The following TSNARE1 variants were observed in gnomAD, a reference collection of about 807,000 sequenced individuals.
The protein encoded by TSNARE1 is t-SNARE domain-containing protein 1.
In TSNARE1, 49 loss-of-function variants were observed where a neutral mutation model predicts 62.0. That is an observed-to-expected ratio of 0.79 (90% CI 0.63 to 1.00). The LOEUF (loss-of-function observed/expected upper bound fraction) is 1.00. Ranked by LOEUF, TSNARE1 falls within the 50% of genes least tolerant of loss-of-function variation. TSNARE1 has a pLI of 0.00. For missense variants in TSNARE1, 755 were observed against 700.1 expected (o/e 1.08, Z -0.88); for synonymous variants, 328 against 294.4 (o/e 1.11, Z -1.17).
intron 2 of TSNARE1, among the ~76,000 whole-genome samples, chr8:142,351,106 G>A (rs865862355): frequency 2.0e-5 from 3 of 152,188 alleles, no homozygotes; most frequent in African/African-American, 4.8e-5. Flanking sequence ...GATTTACTCC[G>A]GAATGACACA....
chr8:142,351,071 C>T (rs1490448025), intron 2 of TSNARE1, among the ~76,000 whole-genome samples: 2 of 152,126 alleles, frequency 1.3e-5, no homozygotes, highest in East Asian at 3.9e-4. Context: ...TGAAATATTA[C>T]CAGATGAGAT....
chr8:142,283,678 A>G (rs1183510913), intron 11 of TSNARE1, among the ~76,000 whole-genome samples: 83 of 114,172 alleles, frequency 7.3e-4, no homozygotes, highest in Middle Eastern at 7.9e-3. Flanking sequence ...CGGAGGTGGG[A>G]CCAGTGTCTG....
chr8:142,273,704 G>A (rs1024893002), intron 12 of TSNARE1: 4 of 985,412 alleles, frequency 4.1e-6, no homozygotes, highest in Non-Finnish European at 4.8e-6. Context: ...TCCCACAGTG[G>A]GGGTGCCCGG....
intron 1 of TSNARE1, among the ~76,000 whole-genome samples, chr8:142,380,200 C>T (rs1462284762): frequency 6.6e-6 from 1 of 152,202 alleles, no homozygotes; most frequent in Non-Finnish European, 1.5e-5. Context: ...AGGACAGAAA[C>T]GGAGACACAG....
chr8:142,271,714 T>C (rs1309435365), intron 12 of TSNARE1: 2 of 1,347,596 alleles, frequency 1.5e-6, no homozygotes, highest in Admixed American at 3.5e-5. Context: ...GACAGGAAAA[T>C]GTCAGCCTGC....
At chr8:142,288,840 G>A (rs533481016) in intron 10 of TSNARE1, among the ~76,000 whole-genome samples, 36 of 152,384 alleles carry the variant, frequency 2.4e-4, no homozygotes, top group African/African-American at 7.7e-4. Context: ...GGGACACACA[G>A]ACTCCAAGCC....
At chr8:142,281,771 G>T (rs971326292) in intron 11 of TSNARE1, among the ~76,000 whole-genome samples, 3 of 151,960 alleles carry the variant, frequency 2.0e-5, no homozygotes, top group Non-Finnish European at 4.4e-5. Flanking sequence ...GCCTGGGCGG[G>T]GTCACTGGGC....
At chr8:142,265,103 CTTA>C (rs1325162951) in intron 12 of TSNARE1, among the ~76,000 whole-genome samples, 3 of 142,944 alleles carry the variant, frequency 2.1e-5, no homozygotes. Context: ...TCTTCAGTTT[CTTA>C]TTAACTTTCT....
chr8:142,273,598 G>A (rs1050561413), intron 12 of TSNARE1: 1 of 985,328 alleles, frequency 1.0e-6, no homozygotes, highest in Non-Finnish European at 1.2e-6. Context: ...CTGTCAACAG[G>A]GACTGACCCT....
At chr8:142,314,927 G>T in intron 8 of TSNARE1, 76 bp downstream of exon 8, 1 of 1,394,360 alleles carries the variant, frequency 7.2e-7, no homozygotes, top group Non-Finnish European at 1.0e-6. Context: ...GGACAAGACA[G>T]CCATGACAGT....
chr8:142,223,271 T>TTCACTCACTCACTCATTCAC (rs150738366), intron 13 of TSNARE1, among the ~76,000 whole-genome samples: 1 of 56,546 alleles, frequency 1.8e-5, no homozygotes, highest in Non-Finnish European at 4.1e-5. Flanking sequence ...CACTCACTCA[T>TTCACTCACTCACTCATTCAC]TCAGTCACTC....
intron 12 of TSNARE1, among the ~76,000 whole-genome samples, chr8:142,252,044 A>G (rs868098595): frequency 1.9e-3 from 128 of 68,230 alleles, no homozygotes; most frequent in South Asian, 2.9e-3. Flanking sequence ...CCCGCCGCCC[A>G]CGTTCTCTAT....
intron 1 of TSNARE1, among the ~76,000 whole-genome samples, chr8:142,374,540 G>A (rs535906021): frequency 3.3e-5 from 5 of 152,088 alleles, no homozygotes; most frequent in African/African-American, 4.8e-5. Context: ...TTAGCCAGGC[G>A]TGATGGCGGG....
rs554651034 is a variant in TSNARE1, at chr8:142,265,768, G to A, written c.1446+9013C>T. On this transcript the variant is annotated intron_variant, in intron 12 of 13. Coordinates refer to ENST00000524325, the MANE Select transcript of TSNARE1 (RefSeq NM_145003.5). The stretch of plus-strand genomic sequence containing the variant: ...CCCCGTGCCTCTTGGTCACTTCAGC[G>A]GCAGGCAGTGGCATCGCGGTGTGGG... Among the ~76,000 whole-genome samples, 12 of 152,324 alleles carry A rather than the reference G, an allele frequency of 7.9e-5. No individual in the cohort carries two copies. In the South Asian group the frequency reaches 1.7e-3, roughly 21 times the overall value.
At position 142,319,874 on chromosome 8, in the gene TSNARE1, G is replaced by A. The variant is rs531448966; in HGVS notation, c.894-1240C>T. 1.8e-4 allele frequency among the ~76,000 whole-genome samples: 28 copies of A among 152,290 alleles called. No individual in the cohort carries two copies. The highest frequency in any genetic ancestry group is 3.4e-3 in the Middle Eastern group (1 of 294). On this transcript the variant is annotated intron_variant, in intron 6 of 13. Transcript: ENST00000524325. This position sits in a 1 kb window ranked among gnomAD's most constrained non-coding sequence, Gnocchi z 4.9. Reference sequence around the variant, plus strand: ...GCCATAAGGTTACTACAGACTAGGCGGGAAGCGCGGGGACAGGAGCTTTCT... The same window carrying A: ...GCCATAAGGTTACTACAGACTAGGCAGGAAGCGCGGGGACAGGAGCTTTCT...
intron 12 of TSNARE1, among the ~76,000 whole-genome samples, chr8:142,249,884 C>T (rs972910380): frequency 2.6e-5 from 4 of 152,330 alleles, no homozygotes; most frequent in Middle Eastern, 3.4e-3. Context: ...ATGGTGGCCT[C>T]GCAGCTCCAG....
At chr8:142,265,003 T>C (rs1380739067) in intron 12 of TSNARE1, among the ~76,000 whole-genome samples, 1 of 152,248 alleles carries the variant, frequency 6.6e-6, no homozygotes, top group Non-Finnish European at 1.5e-5. Flanking sequence ...TTCTCCTTTC[T>C]ATTCAACATA....
At chr8:142,373,439 C>T (rs1429795454) in intron 1 of TSNARE1, among the ~76,000 whole-genome samples, 1 of 152,160 alleles carries the variant, frequency 6.6e-6, no homozygotes, top group African/African-American at 2.4e-5. Context: ...CCAATCCAGA[C>T]TCCCGCCAAT....
chr8:142,379,219 G>C (rs911772795), intron 1 of TSNARE1, among the ~76,000 whole-genome samples: 4 of 152,246 alleles, frequency 2.6e-5, no homozygotes, highest in African/African-American at 7.2e-5. Context: ...GCCTCAGCGG[G>C]CCGCTGCCAG....
Sources: gnomAD v4.1 joint callset for allele counts (sites outside exome capture counted in the v4.1 genomes callset) on GRCh38, gnomAD v4.1.1 for gene constraint, Gnocchi (gnomAD v3.1) non-coding constraint, MANE v1.5 for transcripts, NCBI Gene and HGNC (gene_info 2026-07-23, HGNC 2026-07-21) for gene names.